PCNP: variants seen among roughly 807,000 people sequenced by gnomAD.
The protein encoded by PCNP is PEST proteolytic signal-containing nuclear protein.
Under a neutral mutation model 21.8 loss-of-function variants are expected in PCNP, and 6 were observed. The observed-to-expected ratio is 0.28, with a 90% CI of 0.15 to 0.54. PCNP has a LOEUF of 0.54. PCNP is among the 20% of genes least tolerant of loss of function. The pLI is 0.95. For synonymous variants in PCNP, 67 were observed against 73.2 expected (o/e 0.92, Z 0.43); for missense variants, 161 against 215.5 (o/e 0.75, Z 1.58).
intron 1 of PCNP, among the ~76,000 whole-genome samples, chr3:101,575,294 A>G (rs981188172): frequency 3.9e-5 from 6 of 152,200 alleles, no homozygotes; most frequent in Non-Finnish European, 8.8e-5. Context: ...TTAATAGCAT[A>G]TGAAGGCCAC....
At chr3:101,574,437 C>T (rs1463591157) in intron 1 of PCNP, among the ~76,000 whole-genome samples, 158 bp downstream of exon 1, 1 of 152,228 alleles carries the variant, frequency 6.6e-6, no homozygotes, top group Non-Finnish European at 1.5e-5. Flanking sequence ...CCCGATGCGG[C>T]CCTCTGGGCT....
intron 4 of PCNP, among the ~76,000 whole-genome samples, chr3:101,591,498 C>A (rs751694301): frequency 1.3e-5 from 2 of 152,198 alleles, no homozygotes; most frequent in Admixed American, 1.3e-4. Context: ...TGCATGCCTT[C>A]CTTTCATACT....
chr3:101,582,614 T>G (rs1935284654), intron 2 of PCNP, among the ~76,000 whole-genome samples: 1 of 152,192 alleles, frequency 6.6e-6, no homozygotes, highest in Non-Finnish European at 1.5e-5. Context: ...TTTAAAAAAT[T>G]AAGGGTGTTT....
At chr3:101,592,495 C>T (rs1935867947) in intron 4 of PCNP, 132 bp from the exon 5 acceptor site, 1 of 614,034 alleles carries the variant, frequency 1.6e-6, no homozygotes, top group Non-Finnish European at 2.7e-6. Context: ...TTTTAAAAAG[C>T]TCTGTAGGGC....
At chr3:101,582,250 C>T (rs1482135908) in intron 2 of PCNP, among the ~76,000 whole-genome samples, 6 of 152,110 alleles carry the variant, frequency 3.9e-5, no homozygotes, top group Admixed American at 1.3e-4. Flanking sequence ...GTCAAGAGAT[C>T]GAGACCATCC....
At chr3:101,588,385 C>T (rs184667807) in intron 3 of PCNP, among the ~76,000 whole-genome samples, 29 of 152,196 alleles carry the variant, frequency 1.9e-4, no homozygotes, top group Admixed American at 7.2e-4. Context: ...TGCTGTTTTC[C>T]CTGCTTTTAA....
chr3:101,579,603 C>A (rs1935118761), intron 1 of PCNP, 187 bp from the exon 2 acceptor site: 3 of 711,014 alleles, frequency 4.2e-6, no homozygotes, highest in Non-Finnish European at 2.6e-6. Context: ...TTCATGGGAG[C>A]CTCTTCTACT....
At chr3:101,576,661 C>T in intron 1 of PCNP, 1 of 1,612,028 alleles carries the variant, frequency 6.2e-7, no homozygotes, top group South Asian at 1.1e-5. Flanking sequence ...TAGGACCTGG[C>T]TATATTTTCC....
chr3:101,591,325 A>G (rs975980499), intron 4 of PCNP, among the ~76,000 whole-genome samples: 20 of 152,182 alleles, frequency 1.3e-4, no homozygotes, highest in African/African-American at 3.6e-4. Context: ...CTATGTCCCC[A>G]TTTCTTCCAA....
intron 1 of PCNP, among the ~76,000 whole-genome samples, chr3:101,578,093 A>G (rs1935024785): frequency 6.6e-6 from 1 of 152,150 alleles, no homozygotes; most frequent in South Asian, 2.1e-4. Flanking sequence ...CTGATCATGT[A>G]TTTAGTCATT....
At position 101,574,196 on chromosome 3, in the gene PCNP, G is replaced by C; in HGVS notation, c.-20G>C. The C allele has an allele frequency of 6.5e-7, 1 of 1,549,484 alleles. No homozygotes were observed. The highest frequency in any genetic ancestry group is 1.2e-5 in the South Asian group (1 of 83,832). On this transcript the variant is annotated 5_prime_UTR_variant, in exon 1 of 5. Transcript: ENST00000265260. ...CGTGACGTCCTTGGCGTGGCTGCAG[G>C]GGAGGCCGCGGCGGGGAAAATGGCG...
intron 2 of PCNP, among the ~76,000 whole-genome samples, chr3:101,584,996 T>A (rs1935424771): frequency 6.6e-6 from 1 of 152,188 alleles, no homozygotes; most frequent in South Asian, 2.1e-4. Flanking sequence ...AGAGCAAGAC[T>A]CTGTTCTCAA....
chr3:101,583,618 AAAAG>A (rs961057662), intron 2 of PCNP, among the ~76,000 whole-genome samples: 3 of 146,204 alleles, frequency 2.1e-5, no homozygotes, highest in African/African-American at 7.5e-5. Context: ...CTTGTCTCAA[AAAAG>A]AAAGAAAGGT....
At position 101,578,165 on chromosome 3, in the gene PCNP, C is replaced by T. The variant is rs774553694; in HGVS notation, c.65-1625C>T. 2.0e-5 allele frequency among the ~76,000 whole-genome samples: 3 copies of T among 152,020 alleles called. No homozygotes were observed. In the South Asian group the frequency reaches 6.2e-4, roughly 32 times the overall value. On this transcript the variant is annotated intron_variant, in intron 1 of 4. Transcript: ENST00000265260. ...CAGGTTTTCTGTTTGTTTCTCTGTT[C>T]CATTGTGTAGAGCCAAAGAGGTTTT...
intron 1 of PCNP, among the ~76,000 whole-genome samples, chr3:101,578,119 T>C (rs1249205526): frequency 1.3e-5 from 2 of 152,234 alleles, no homozygotes; most frequent in Non-Finnish European, 2.9e-5. Context: ...GTGTATAGAT[T>C]GTTTCTACAT....
At chr3:101,581,405 T>A (rs1054488053) in intron 2 of PCNP, among the ~76,000 whole-genome samples, 1 of 151,750 alleles carries the variant, frequency 6.6e-6, no homozygotes, top group Non-Finnish European at 1.5e-5. Context: ...CCCTACTCTT[T>A]TTTTTAATTT....
chr3:101,586,571 T>TGTGTGTGTGTGTGAGA, intron 3 of PCNP, among the ~76,000 whole-genome samples: 261 of 114,192 alleles, frequency 2.3e-3, no homozygotes, highest in African/African-American at 7.6e-3. Context: ...TGTGTGTGTG[T>TGTGTGTGTGTGTGAGA]GAGAGAGAGA....
intron 1 of PCNP, chr3:101,576,856 G>A (rs1406096463): frequency 6.2e-7 from 1 of 1,608,422 alleles, no homozygotes; most frequent in African/African-American, 1.3e-5. Context: ...CTTAATGGCA[G>A]TGATGGCAAA....
Position 101,586,987 on chromosome 3 carries a change from C to G in PCNP, c.354+1476C>G, listed in dbSNP as rs192252808. Among the ~76,000 whole-genome samples the G allele has an allele frequency of 3.5e-3, 527 of 152,298 alleles. 3 individuals are homozygous for G. Among genetic ancestry groups the G allele is most frequent in the Middle Eastern group, 0.017 (5 of 294 alleles). On this transcript the variant is annotated intron_variant, in intron 3 of 4. Coordinates refer to ENST00000265260, the MANE Select transcript of PCNP (RefSeq NM_020357.3). ...ATAATTCTGTGGCCGCGCGCAGTGG[C>G]TCATGGCTGTAATCCCAACACTTTG...
Sources: allele counts gnomAD v4.1 joint callset (sites outside exome capture counted in the v4.1 genomes callset), GRCh38; gene constraint gnomAD v4.1.1; transcripts MANE v1.5; gene names NCBI Gene and HGNC (gene_info 2026-07-23, HGNC 2026-07-21).